Variants in RUFY2 observed in about 807,000 individuals in gnomAD.
RUFY2 encodes the protein RUN and FYVE domain-containing protein 2.
RUFY2 carries 49 observed loss-of-function variants against 94.4 expected under a neutral mutation model. The ratio of observed to expected loss-of-function variants is 0.52; its 90% CI spans 0.41 to 0.66. The LOEUF (loss-of-function observed/expected upper bound fraction) is 0.66, where lower values mean the gene tolerates loss of function less well. Among genes scored for constraint, RUFY2 ranks in the 30% least tolerant of loss-of-function variants. The probability of loss-of-function intolerance (pLI) is 0.00; values close to 1 mark genes in which losing one functional copy is unlikely to be tolerated. For synonymous variants in RUFY2, 255 were observed against 235.7 expected (o/e 1.08, Z -0.75); for missense variants, 541 against 692.8 (o/e 0.78, Z 2.46).
At chr10:68,385,744 T>C (rs932899263) in intron 8 of RUFY2, among the ~76,000 whole-genome samples, 2 of 152,168 alleles carry the variant, frequency 1.3e-5, no homozygotes, top group African/African-American at 2.4e-5. Context: ...TAGGTAAATA[T>C]AGGTCATCCA....
intron 13 of RUFY2, among the ~76,000 whole-genome samples, chr10:68,366,768 AT>A (rs1415571079): frequency 2.3e-5 from 3 of 132,844 alleles, no homozygotes; most frequent in East Asian, 4.1e-4. Context: ...ATAATATTAA[AT>A]ATATTAAATA....
intron 2 of RUFY2, among the ~76,000 whole-genome samples, chr10:68,402,139 A>G (rs1437880615): frequency 6.6e-6 from 1 of 151,638 alleles, no homozygotes; most frequent in Admixed American, 6.6e-5. Context: ...TTTTTTAGTA[A>G]GTAGAGATGG....
intron 15 of RUFY2, among the ~76,000 whole-genome samples, chr10:68,359,492 G>C (rs1208656610): frequency 7.0e-6 from 1 of 141,904 alleles, no homozygotes; most frequent in African/African-American, 2.7e-5. Context: ...ATATATAGTA[G>C]TACTACTATA....
intron 1 of RUFY2, chr10:68,406,676 CCT>C: frequency 7.5e-7 from 1 of 1,327,532 alleles, no homozygotes; most frequent in South Asian, 1.4e-5. Flanking sequence ...CCCTTCCCTG[CCT>C]CTCTTCCTGC....
intron 13 of RUFY2, among the ~76,000 whole-genome samples, chr10:68,372,674 G>A (rs1266541493): frequency 1.3e-5 from 2 of 151,412 alleles, no homozygotes; most frequent in Non-Finnish European, 2.9e-5. Context: ...CAGATCGCTT[G>A]AGCCCAGGAG....
intron 15 of RUFY2, among the ~76,000 whole-genome samples, chr10:68,357,954 G>A (rs1241627907): frequency 1.3e-5 from 2 of 152,120 alleles, no homozygotes; most frequent in Admixed American, 1.3e-4. Context: ...TTGGGAGGCT[G>A]AGGTGGGGAG....
intron 13 of RUFY2, among the ~76,000 whole-genome samples, chr10:68,376,442 G>C (rs7099969): frequency 6.4e-4 from 18 of 27,968 alleles, no homozygotes; most frequent in Middle Eastern, 0.026. Context: ...AAAAATGTGT[G>C]TATATATATA....
chr10:68,355,969 A>G (rs1248965181), intron 15 of RUFY2, among the ~76,000 whole-genome samples: 1 of 152,094 alleles, frequency 6.6e-6, no homozygotes, highest in African/African-American at 2.4e-5. Context: ...GATCATGACA[A>G]TATTTATAGC....
chr10:68,367,276 CTG>C (rs1263989949), intron 13 of RUFY2, among the ~76,000 whole-genome samples: 1 of 152,188 alleles, frequency 6.6e-6, no homozygotes, highest in African/African-American at 2.4e-5. Context: ...AGTTTCAAGA[CTG>C]TATTCTACTG....
intron 1 of RUFY2, 173 bp downstream of exon 1, chr10:68,407,013 T>A: frequency 1.3e-6 from 2 of 1,493,166 alleles, no homozygotes; most frequent in South Asian, 2.7e-5. Context: ...CGCGTTGCCA[T>A]GACGACCCCG....
At chr10:68,347,194 A>T (rs2046339328) in intron 16 of RUFY2, among the ~76,000 whole-genome samples, 1 of 151,600 alleles carries the variant, frequency 6.6e-6, no homozygotes, top group African/African-American at 2.4e-5. Context: ...CTCAACTTTT[A>T]TAACATATTT....
intron 15 of RUFY2, among the ~76,000 whole-genome samples, chr10:68,357,267 C>T (rs565359833): frequency 6.7e-6 from 1 of 149,864 alleles, no homozygotes; most frequent in East Asian, 2.0e-4. Flanking sequence ...TTTGCTCTTT[C>T]ACTCAGGCTG....
In RUFY2 at chr10:68,343,599, A is replaced by G. The variant is rs891249293; in HGVS notation, c.*2169T>C. The G allele has an allele frequency of 6.6e-6, 1 of 152,528 alleles. No individual in the cohort carries two copies. The highest frequency in any genetic ancestry group is 2.4e-5 in the African/African-American group (1 of 41,428). The allele number at this position is 152,528 out of a possible 1,614,324, so 9.4% of individuals were successfully genotyped here. A position where few individuals can be genotyped will look rare whatever the true frequency, so the allele number is the denominator to read the frequency against. ...ATAGGTTAGAAGAATTACAATTGTA[A>G]TTCCCTGGCACCATGATAGCATTAT... is the stretch of plus-strand genomic sequence containing the variant. On this transcript the variant is annotated 3_prime_UTR_variant, in exon 18 of 18. Coordinates refer to ENST00000602465, the MANE Select transcript of RUFY2 (RefSeq NM_001330103.2).
chr10:68,377,205 ATTTGT>A (rs1183591791), intron 12 of RUFY2: 3 of 1,359,302 alleles, frequency 2.2e-6, no homozygotes, highest in African/African-American at 1.5e-5. Flanking sequence ...CTATCTTCAA[ATTTGT>A]TTTATTTCTT....
intron 13 of RUFY2, among the ~76,000 whole-genome samples, chr10:68,376,436 A>ATGTG (rs199958667): frequency 4.8e-4 from 28 of 58,324 alleles, no homozygotes; most frequent in Middle Eastern, 7.9e-3. Context: ...TCTCAAAAAA[A>ATGTG]TGTGTGTATA....
At chr10:68,371,157 A>C (rs1441375423) in intron 13 of RUFY2, among the ~76,000 whole-genome samples, 2 of 144,358 alleles carry the variant, frequency 1.4e-5, no homozygotes, top group Non-Finnish European at 1.5e-5. Context: ...AAAAGCCAGG[A>C]GTGGTGGCTC....
intron 15 of RUFY2, among the ~76,000 whole-genome samples, chr10:68,360,211 G>A (rs1243465112): frequency 6.6e-6 from 1 of 151,992 alleles, no homozygotes; most frequent in African/African-American, 2.4e-5. Flanking sequence ...GAGGAGGTGG[G>A]AGCATCATTT....
At chr10:68,359,773 C>A (rs2047334203) in intron 15 of RUFY2, among the ~76,000 whole-genome samples, 3 of 146,210 alleles carry the variant, frequency 2.1e-5, no homozygotes, top group African/African-American at 2.5e-5. Context: ...GCCTAAGCAA[C>A]AGAACAACTC....
At chr10:68,399,541 C>A (rs1414003851) in intron 3 of RUFY2, among the ~76,000 whole-genome samples, 1 of 152,162 alleles carries the variant, frequency 6.6e-6, no homozygotes, top group Non-Finnish European at 1.5e-5. Flanking sequence ...CAACAGTAGC[C>A]ACTTACTTTT....
Sources: allele counts gnomAD v4.1 joint callset (sites outside exome capture counted in the v4.1 genomes callset), GRCh38; gene constraint gnomAD v4.1.1; transcripts MANE v1.5; gene names NCBI Gene and HGNC (gene_info 2026-07-23, HGNC 2026-07-21).